Variants in PCDH15 observed in about 807,000 individuals in gnomAD.
PCDH15 encodes protocadherin-15.
A neutral mutation model predicts 178.5 loss-of-function variants in PCDH15; 129 were observed. That is an observed-to-expected ratio of 0.72 (90% CI 0.63 to 0.84). The LOEUF (loss-of-function observed/expected upper bound fraction) is 0.84. PCDH15 is among the 40% of genes least tolerant of loss of function. The pLI, the probability that PCDH15 is intolerant of heterozygous loss-of-function variation, is 0.00. For synonymous variants in PCDH15, 800 were observed against 732.0 expected (o/e 1.09, Z -1.50); for missense variants, 2,230 against 2,099.9 (o/e 1.06, Z -1.21).
chr10:54,688,889 A>C (rs1342157632), intron 1 of PCDH15, among the ~76,000 whole-genome samples: 2 of 152,150 alleles, frequency 1.3e-5, no homozygotes, highest in African/African-American at 4.8e-5. Context: ...GTGTATGAGA[A>C]GATCAGGATC....
At chr10:55,141,221 A>G (rs1306018445) in intron 2 of PCDH15, among the ~76,000 whole-genome samples, 1 of 152,048 alleles carries the variant, frequency 6.6e-6, no homozygotes, top group Non-Finnish European at 1.5e-5. Flanking sequence ...TTGTCAAAAC[A>G]TAGGTGTTTA....
chr10:55,005,345 T>C (rs950414110), intron 2 of PCDH15, among the ~76,000 whole-genome samples: 1 of 151,892 alleles, frequency 6.6e-6, no homozygotes, highest in Non-Finnish European at 1.5e-5. Flanking sequence ...TTATCTTCCA[T>C]AGCAGGTTTT....
At chr10:54,367,667 G>A (rs966114552) in intron 5 of PCDH15, among the ~76,000 whole-genome samples, 2 of 151,808 alleles carry the variant, frequency 1.3e-5, no homozygotes, top group African/African-American at 4.8e-5. Flanking sequence ...GGGAGTGAGG[G>A]GGTAGGAGAG....
At chr10:54,182,130 T>C (rs2048043901) in intron 13 of PCDH15, among the ~76,000 whole-genome samples, 2 of 152,084 alleles carry the variant, frequency 1.3e-5, no homozygotes, top group African/African-American at 4.8e-5. Flanking sequence ...GCTAATTTTT[T>C]TAAAAATTTT....
chr10:55,131,884 C>T lies in PCDH15; in HGVS notation c.-80+34692G>A, dbSNP rs139153342. ...CACTTTGATCTGCAGAACTGACAGC[C>T]TGGTCCCTAGGCTTCAGGCTATCCC... On this transcript the variant is annotated intron_variant, in intron 2 of 5. Coordinates refer to the PCDH15 transcript ENST00000458638. 2.4e-3 allele frequency among the ~76,000 whole-genome samples: 363 copies of T among 152,318 alleles called. 2 individuals are homozygous for T. The highest frequency in any genetic ancestry group is 8.4e-3 in the African/African-American group (351 of 41,592).
chr10:54,714,011 GTC>G (rs1173670096), intron 1 of PCDH15, among the ~76,000 whole-genome samples: 1 of 152,118 alleles, frequency 6.6e-6, no homozygotes, highest in Non-Finnish European at 1.5e-5. Context: ...AGTTGAAAGT[GTC>G]TCTGACTGAT....
chr10:54,769,550 G>A (rs1948864500), intron 1 of PCDH15, among the ~76,000 whole-genome samples: 1 of 151,448 alleles, frequency 6.6e-6, no homozygotes, highest in Admixed American at 6.6e-5. Context: ...CTTATGGGTG[G>A]GATGCTAGCA....
rs967348092 is a variant in PCDH15 at position 54,142,000 on chromosome 10, T to G, written c.1785-8993A>C. On this transcript the variant is annotated intron_variant, in intron 14 of 37. Coordinates refer to ENST00000644397, the MANE Select transcript of PCDH15 (RefSeq NM_001384140.1). ...GAATTTCCAAAGCTGATATTTGCAT[T>G]TGCCATTTTTCAATAATGGAAAAAA... Among the ~76,000 whole-genome samples, 33 of 152,120 alleles carry G rather than the reference T, an allele frequency of 2.2e-4. 1 individual carries two copies. Among genetic ancestry groups the G allele is most frequent in the African/African-American group, 7.5e-4 (31 of 41,408 alleles).
Position 54,360,397 on chromosome 10 carries a change from T to G in PCDH15, c.474+8723A>C, listed in dbSNP as rs1935470. 4.7e-3 allele frequency among the ~76,000 whole-genome samples: 711 copies of G among 152,190 alleles called. 4 individuals are homozygous for G. The highest frequency in any genetic ancestry group is 0.016 in the African/African-American group (682 of 41,546). On this transcript the variant is annotated intron_variant, in intron 5 of 37. Transcript: ENST00000644397. ...TGGCTGAAGCACCTGATTAAATCCT[T>G]CTTTTCTGGCAATGTTTGTTGCCTC... is the stretch of plus-strand genomic sequence containing the variant.
At chr10:54,460,610 A>T (rs190370468) in intron 3 of PCDH15, among the ~76,000 whole-genome samples, 9 of 152,228 alleles carry the variant, frequency 5.9e-5, no homozygotes, top group Admixed American at 3.9e-4. Flanking sequence ...GCCTTGAGAG[A>T]CATGTATTTG....
intron 25 of PCDH15, chr10:53,905,086 C>G: frequency 2.1e-6 from 1 of 472,044 alleles, no homozygotes; most frequent in South Asian, 1.6e-5. Flanking sequence ...CCAAATCCTA[C>G]ATGTCAGCCT....
At chr10:55,307,819 T>C (rs894549777) in intron 1 of PCDH15, among the ~76,000 whole-genome samples, 1 of 151,932 alleles carries the variant, frequency 6.6e-6, no homozygotes, top group Non-Finnish European at 1.5e-5. Flanking sequence ...ATGCCTATCC[T>C]ACTAATTATT....
chr10:53,825,160 G>T (rs1564546811), intron 32 of PCDH15: 1 of 1,532,124 alleles, frequency 6.5e-7, no homozygotes, highest in East Asian at 2.4e-5. Flanking sequence ...CCACAGGTGA[G>T]AAACAGAAAA....
intron 2 of PCDH15, chr10:55,506,189 T>G (rs1286009060): frequency 6.6e-6 from 1 of 151,434 alleles, no homozygotes; most frequent in South Asian, 2.1e-4. Flanking sequence ...AGGAGAAAGA[T>G]GAAGGTGTCT....
At chr10:53,877,454 C>T (rs1263438500) in intron 26 of PCDH15, among the ~76,000 whole-genome samples, 2 of 142,648 alleles carry the variant, frequency 1.4e-5, no homozygotes, top group African/African-American at 5.1e-5. Context: ...TAATTTTTAC[C>T]GAAAATATCC....
chr10:54,314,456 A>G (rs1168753505), intron 8 of PCDH15, among the ~76,000 whole-genome samples: 2 of 152,072 alleles, frequency 1.3e-5, no homozygotes, highest in African/African-American at 4.8e-5. Flanking sequence ...AATTTCATGC[A>G]CAAACAATGA....
chr10:54,703,965 C>T (rs1009248933), intron 1 of PCDH15, among the ~76,000 whole-genome samples: 1 of 151,992 alleles, frequency 6.6e-6, no homozygotes, highest in Non-Finnish European at 1.5e-5. Context: ...CCCCTACAAC[C>T]ATCTGCTCTT....
Position 54,294,299 on chromosome 10 carries a change from C to A in PCDH15, c.876+22972G>T, listed in dbSNP as rs558647863. 7.3e-5 allele frequency among the ~76,000 whole-genome samples: 11 copies of A among 151,014 alleles called. No individual in the cohort carries two copies. In the South Asian group the frequency reaches 2.3e-3, roughly 32 times the overall value. ...TGGACACATGGCAGGGAACATCACA[C>A]ACTGGGGCCTGTCAGAGGGTGGGGG... On this transcript the variant is annotated intron_variant, in intron 8 of 37. Transcript: ENST00000644397.
chr10:54,273,670 A>G (rs145429234), intron 8 of PCDH15, among the ~76,000 whole-genome samples: 1 of 152,284 alleles, frequency 6.6e-6, no homozygotes, highest in African/African-American at 2.4e-5. Flanking sequence ...CCAAAAGTAT[A>G]GACTTCAAAA....
Sources: allele counts gnomAD v4.1 joint callset (sites outside exome capture counted in the v4.1 genomes callset), GRCh38; gene constraint gnomAD v4.1.1; transcripts MANE v1.5; gene names NCBI Gene and HGNC (gene_info 2026-07-23, HGNC 2026-07-21).